PXYLP1: variants seen among roughly 807,000 people sequenced by gnomAD.
PXYLP1 encodes acid phosphatase-like 2.
A neutral mutation model predicts 37.9 loss-of-function variants in PXYLP1; 17 were observed. The ratio of observed to expected loss-of-function variants is 0.45; its 90% CI spans 0.31 to 0.67. PXYLP1 has a LOEUF of 0.67. Among genes scored for constraint, PXYLP1 ranks in the 30% least tolerant of loss-of-function variants. PXYLP1 has a pLI of 0.07. For synonymous variants in PXYLP1, 221 were observed against 232.2 expected (o/e 0.95, Z 0.44); for missense variants, 511 against 612.0 (o/e 0.84, Z 1.74).
intron 1 of PXYLP1, among the ~76,000 whole-genome samples, chr3:141,240,028 G>C (rs1428517218): frequency 6.6e-6 from 1 of 152,234 alleles, no homozygotes; most frequent in Non-Finnish European, 1.5e-5. Flanking sequence ...TGGCTTAGTG[G>C]CTTAAGTAAA....
At chr3:141,274,414 GT>G (rs1941741273) in intron 2 of PXYLP1, 1 of 1,458,666 alleles carries the variant, frequency 6.9e-7, no homozygotes. Context: ...GTTTGGCTGT[GT>G]TTCACGGCCT....
intron 1 of PXYLP1, among the ~76,000 whole-genome samples, chr3:141,238,056 T>C (rs1281842852): frequency 6.6e-6 from 1 of 152,202 alleles, no homozygotes; most frequent in Non-Finnish European, 1.5e-5. Flanking sequence ...TATTTTGGAC[T>C]GGACTGGCTC....
intron 2 of PXYLP1, among the ~76,000 whole-genome samples, chr3:141,262,899 AC>A: frequency 6.6e-6 from 1 of 152,168 alleles, no homozygotes; most frequent in East Asian, 1.9e-4. Flanking sequence ...AAATATATGG[AC>A]TTTTTTCTTT....
At chr3:141,287,288 T>G in intron 4 of PXYLP1, 26 bp from the exon 5 acceptor site, 2 of 1,611,976 alleles carry the variant, frequency 1.2e-6, no homozygotes, top group Non-Finnish European at 1.7e-6. Flanking sequence ...CACTCTGACC[T>G]CTAACTCTCT....
chr3:141,269,833 G>A (rs1003734544), intron 2 of PXYLP1, among the ~76,000 whole-genome samples: 1 of 152,202 alleles, frequency 6.6e-6, no homozygotes, highest in Admixed American at 6.5e-5. Flanking sequence ...TCTGGTGTTG[G>A]CATCATCTAA....
intron 2 of PXYLP1, chr3:141,262,693 G>C (rs1941422101): frequency 1.3e-6 from 2 of 1,534,820 alleles, no homozygotes; most frequent in Non-Finnish European, 1.7e-6. Context: ...AAGATATTAA[G>C]ATATGGACGT....
intron 4 of PXYLP1, among the ~76,000 whole-genome samples, chr3:141,285,478 A>G (rs1259814923): frequency 6.6e-6 from 1 of 151,874 alleles, no homozygotes; most frequent in Non-Finnish European, 1.5e-5. Context: ...TTCTTCCACA[A>G]ATCTTCATCT....
intron 4 of PXYLP1, among the ~76,000 whole-genome samples, chr3:141,284,892 C>T (rs1942035211): frequency 6.6e-6 from 1 of 152,114 alleles, no homozygotes; most frequent in African/African-American, 2.4e-5. Context: ...TTCATTTCTA[C>T]AGATTATGGA....
In PXYLP1 at chr3:141,248,490, C is replaced by CGT. The variant is rs201332964; in HGVS notation, c.-53-11626_-53-11625dup. ...TAAGTGCAAAGGAGCAATATGTGTG[C>CGT]GTGTGTGTATATATATATATATACA... On this transcript the variant is annotated intron_variant, in intron 1 of 5. Coordinates refer to ENST00000286353, the MANE Select transcript of PXYLP1 (RefSeq NM_001037172.3). Among the ~76,000 whole-genome samples the CGT allele has an allele frequency of 1.5e-4, 19 of 127,866 alleles. No individual in the cohort carries two copies. The East Asian group carries it at 2.7e-3, about 18-fold the overall frequency. 83.9% of individuals were successfully genotyped at this position (127,866 alleles called of 152,430 possible).
At chr3:141,250,300 TGTG>T (rs772132964) in intron 1 of PXYLP1, among the ~76,000 whole-genome samples, 130 of 152,358 alleles carry the variant, frequency 8.5e-4, no homozygotes, top group Non-Finnish European at 1.4e-3. Flanking sequence ...TCTGAAAAGT[TGTG>T]GTACTGTCAT....
chr3:141,254,642 G>A (rs1576583753), intron 1 of PXYLP1, among the ~76,000 whole-genome samples: 1 of 152,142 alleles, frequency 6.6e-6, no homozygotes, highest in South Asian at 2.1e-4. Flanking sequence ...TTTGGAAAAG[G>A]GGAACTATTA....
intron 1 of PXYLP1, chr3:141,234,289 A>G (rs1287648166): frequency 6.6e-6 from 1 of 152,166 alleles, no homozygotes; most frequent in Non-Finnish European, 1.5e-5. Context: ...TTCCATGAAG[A>G]AAATCAGTTG....
chr3:141,268,206 A>AGAGAGT (rs1325105026), intron 2 of PXYLP1, among the ~76,000 whole-genome samples: 7 of 51,428 alleles, frequency 1.4e-4, no homozygotes, highest in East Asian at 4.8e-4. Flanking sequence ...AGAGAGAGAG[A>AGAGAGT]GTGTGTGTGT....
chr3:141,265,971 G>A (rs1941500996), intron 2 of PXYLP1, among the ~76,000 whole-genome samples: 1 of 152,206 alleles, frequency 6.6e-6, no homozygotes, highest in South Asian at 2.1e-4. Context: ...TGAAGGGCAT[G>A]GACATCATTG....
At chr3:141,245,045 CTTTT>C (rs10546747) in intron 1 of PXYLP1, among the ~76,000 whole-genome samples, 7 of 106,164 alleles carry the variant, frequency 6.6e-5, no homozygotes, top group South Asian at 7.9e-4. Flanking sequence ...CACTAACTCC[CTTTT>C]TTTTTTTTTT....
chr3:141,264,112 GA>G (rs1559887334), intron 2 of PXYLP1, among the ~76,000 whole-genome samples: 3 of 151,956 alleles, frequency 2.0e-5, no homozygotes, highest in African/African-American at 7.3e-5. Context: ...TCAGGGCCCC[GA>G]TTGGCCAGAG....
chr3:141,288,625 G>C (rs1429249600), intron 5 of PXYLP1, among the ~76,000 whole-genome samples: 1 of 152,226 alleles, frequency 6.6e-6, no homozygotes, highest in East Asian at 1.9e-4. Flanking sequence ...CAGGCATGGT[G>C]CCTCATGCCT....
At chr3:141,240,693 A>G (rs55655840) in intron 1 of PXYLP1, among the ~76,000 whole-genome samples, 5,847 of 152,306 alleles carry the variant, frequency 0.038, 160 homozygotes, top group South Asian at 0.12. Flanking sequence ...TTAACAAGAA[A>G]GAATGAGTGG....
chr3:141,248,624 CACGT>C, intron 1 of PXYLP1, among the ~76,000 whole-genome samples: 1 of 118,938 alleles, frequency 8.4e-6, no homozygotes, highest in South Asian at 2.6e-4. Context: ...TATATACACA[CACGT>C]ATATATACAC....
Sources: gnomAD v4.1 joint callset for allele counts (sites outside exome capture counted in the v4.1 genomes callset) on GRCh38, gnomAD v4.1.1 for gene constraint, MANE v1.5 for transcripts, NCBI Gene and HGNC (gene_info 2026-07-23, HGNC 2026-07-21) for gene names.